The following RBPMS variants were observed in gnomAD, a reference collection of about 807,000 sequenced individuals.
RBPMS encodes RNA-binding protein with multiple splicing.
A neutral mutation model predicts 26.8 loss-of-function variants in RBPMS; 7 were observed. That is an observed-to-expected ratio of 0.26 (90% CI 0.15 to 0.49). RBPMS has a LOEUF of 0.49. Among genes scored for constraint, RBPMS ranks in the 20% least tolerant of loss-of-function variants. The pLI, the probability that RBPMS is intolerant of heterozygous loss-of-function variation, is 0.98. For missense variants in RBPMS, 186 were observed against 250.0 expected (o/e 0.74, Z 1.73); for synonymous variants, 96 against 93.3 (o/e 1.03, Z -0.17).
At chr8:30,547,248 A>G in intron 6 of RBPMS, 1 of 1,345,072 alleles carries the variant, frequency 7.4e-7, no homozygotes, top group Non-Finnish European at 1.0e-6. Flanking sequence ...TTTCTTAGCA[A>G]TGTTATGCTC....
chr8:30,432,895 G>A (rs527674792), intron 1 of RBPMS, among the ~76,000 whole-genome samples: 1 of 152,250 alleles, frequency 6.6e-6, no homozygotes, highest in Non-Finnish European at 1.5e-5. Flanking sequence ...GATCCTTTTC[G>A]CTTAAACATT....
In RBPMS at chr8:30,462,132, T is replaced by C. The variant is rs553847021; in HGVS notation, c.67-12647T>C. 3.9e-5 allele frequency among the ~76,000 whole-genome samples: 6 copies of C among 152,348 alleles called. No individual in the cohort carries two copies. The East Asian group carries it at 1.2e-3, about 29-fold the overall frequency. On this transcript the variant is annotated intron_variant, in intron 1 of 8. Transcript: ENST00000397323. Reference sequence around the variant, plus strand: ...TGAGTTTTTATTTCTTTGGAATAGGTGCCCAAGGGTACAACTGCTAGATTG... The same window carrying C: ...TGAGTTTTTATTTCTTTGGAATAGGCGCCCAAGGGTACAACTGCTAGATTG...
intron 6 of RBPMS, chr8:30,555,967 G>T: frequency 3.0e-6 from 3 of 984,226 alleles, no homozygotes; most frequent in Non-Finnish European, 3.6e-6. Context: ...CCGCTCTGCC[G>T]GCTGTGGTGC....
At chr8:30,500,100 CTT>C (rs1171932847) in intron 4 of RBPMS, among the ~76,000 whole-genome samples, 2 of 152,092 alleles carry the variant, frequency 1.3e-5, no homozygotes, top group Non-Finnish European at 2.9e-5. Flanking sequence ...CACCTCTCTC[CTT>C]TTGTTTTTAA....
chr8:30,534,333 G>A (rs997295256), intron 5 of RBPMS, among the ~76,000 whole-genome samples: 12 of 152,144 alleles, frequency 7.9e-5, no homozygotes, highest in African/African-American at 2.9e-4. Context: ...GGAAATACTA[G>A]TATCTAGCTC....
chr8:30,410,624 C>G (rs144420396), intron 1 of RBPMS, among the ~76,000 whole-genome samples: 2 of 151,278 alleles, frequency 1.3e-5, no homozygotes, highest in Admixed American at 6.6e-5. Flanking sequence ...AACTGCTACT[C>G]TTTTATATTT....
At chr8:30,558,771 G>A (rs769794902) in intron 6 of RBPMS, 116 bp from the exon 7 acceptor site, 1 of 857,530 alleles carries the variant, frequency 1.2e-6, no homozygotes, top group South Asian at 1.4e-5. Context: ...TCACAGGCTA[G>A]TGTGAGTGGG....
intron 1 of RBPMS, among the ~76,000 whole-genome samples, chr8:30,385,611 GTGT>G: frequency 6.6e-6 from 1 of 152,024 alleles, no homozygotes; most frequent in African/African-American, 2.4e-5. Context: ...CTCCCTTTCC[GTGT>G]TAAAAGTTCT....
At chr8:30,518,687 C>CTTGTTTTTTTTTTTTTT (rs1822627545) in intron 5 of RBPMS, among the ~76,000 whole-genome samples, 1 of 18,236 alleles carries the variant, frequency 5.5e-5, no homozygotes, top group African/African-American at 1.9e-4. Context: ...CCAAGCATGA[C>CTTGTTTTTTTTTTTTTT]TTTTTTTTTT....
chr8:30,440,993 T>C (rs903532932), intron 1 of RBPMS, among the ~76,000 whole-genome samples: 1 of 149,146 alleles, frequency 6.7e-6, no homozygotes, highest in Non-Finnish European at 1.5e-5. Context: ...GTTTGTTTTT[T>C]TGTTTGGCTT....
chr8:30,415,529 T>A (rs1809958974), intron 1 of RBPMS, among the ~76,000 whole-genome samples: 1 of 152,224 alleles, frequency 6.6e-6, no homozygotes, highest in African/African-American at 2.4e-5. Context: ...TTCATTCACT[T>A]CTGATAATGC....
At chr8:30,409,246 T>C (rs1322092748) in intron 1 of RBPMS, among the ~76,000 whole-genome samples, 1 of 151,170 alleles carries the variant, frequency 6.6e-6, no homozygotes, top group Non-Finnish European at 1.5e-5. Flanking sequence ...CAGGCTAGAG[T>C]GCAATGGTGT....
chr8:30,494,977 A>G (rs1229495228), intron 4 of RBPMS, among the ~76,000 whole-genome samples: 1 of 152,208 alleles, frequency 6.6e-6, no homozygotes, highest in Admixed American at 6.5e-5. Flanking sequence ...AGTGAAGCCA[A>G]ATGTACATTG....
At chr8:30,505,002 A>G (rs953827100) in intron 5 of RBPMS, among the ~76,000 whole-genome samples, 4 of 152,342 alleles carry the variant, frequency 2.6e-5, no homozygotes, top group South Asian at 4.1e-4. Flanking sequence ...TTTCTTTTCC[A>G]ACTTAATTGG....
At chr8:30,430,246 A>G (rs183145812) in intron 1 of RBPMS, among the ~76,000 whole-genome samples, 163 of 129,998 alleles carry the variant, frequency 1.3e-3, no homozygotes, top group African/African-American at 4.1e-3. Context: ...ATGGATGGAT[A>G]GATAAATAAA....
rs530673886 is a variant in RBPMS, at chr8:30,392,595, C to T, written c.66+7437C>T. On this transcript the variant is annotated intron_variant, in intron 1 of 8. Transcript: ENST00000397323. Reference sequence around the variant, plus strand: ...CGAATTTTGGAAAAGTTGTTGAGAACCATTCTTGCAGTGAGGTTTCTGCTG... The same window carrying T: ...CGAATTTTGGAAAAGTTGTTGAGAATCATTCTTGCAGTGAGGTTTCTGCTG... 7.9e-5 allele frequency among the ~76,000 whole-genome samples: 12 copies of T among 152,272 alleles called. No homozygotes were observed. The South Asian group carries it at 2.5e-3, about 32-fold the overall frequency.
chr8:30,518,687 C>CTTTTTTTTTTTTTTTT lies in RBPMS; in HGVS notation c.397+14264_397+14279dup, dbSNP rs58763494. ...CAGTGATCCGCCCGGCCAAGCATGA[C>CTTTTTTTTTTTTTTTT]TTTTTTTTTTTTTTTTTTTTTTTTT... On this transcript the variant is annotated intron_variant, in intron 5 of 8. Transcript: ENST00000397323. Among the ~76,000 whole-genome samples the CTTTTTTTTTTTTTTTT allele has an allele frequency of 8.9e-3, 162 of 18,238 alleles. 67 individuals carry two copies. Among genetic ancestry groups the CTTTTTTTTTTTTTTTT allele is most frequent in the South Asian group, 0.016 (3 of 184 alleles). The allele number at this position is 18,238 out of a possible 152,430, so 12.0% of individuals were successfully genotyped here. A position where few individuals can be genotyped will look rare whatever the true frequency, so the allele number is the denominator to read the frequency against.
chr8:30,560,015 C>A (rs13249960), intron 7 of RBPMS, among the ~76,000 whole-genome samples: 1 of 152,162 alleles, frequency 6.6e-6, no homozygotes, highest in Non-Finnish European at 1.5e-5. Flanking sequence ...AGAACAGGCC[C>A]CTGGTCAACT....
At chr8:30,518,690 T>C (rs1340124173) in intron 5 of RBPMS, among the ~76,000 whole-genome samples, 1 of 101,380 alleles carries the variant, frequency 9.9e-6, no homozygotes, top group African/African-American at 5.0e-5. Context: ...AGCATGACTT[T>C]TTTTTTTTTT....
Sources: gnomAD v4.1 joint callset for allele counts (sites outside exome capture counted in the v4.1 genomes callset) on GRCh38, gnomAD v4.1.1 for gene constraint, MANE v1.5 for transcripts, NCBI Gene and HGNC (gene_info 2026-07-23, HGNC 2026-07-21) for gene names.